The following IQCJ variants were observed in gnomAD, a reference collection of about 807,000 sequenced individuals.
IQCJ encodes IQ motif containing J.
IQCJ carries 9 observed loss-of-function variants against 11.0 expected under a neutral mutation model. That is an observed-to-expected ratio of 0.82 (90% CI 0.49 to 1.43). The LOEUF is 1.43. Ranked by LOEUF, IQCJ falls within the 40% of genes most tolerant of loss-of-function variation. The pLI is 0.00. For synonymous variants in IQCJ, 55 were observed against 51.3 expected (o/e 1.07, Z -0.31); for missense variants, 146 against 133.2 (o/e 1.10, Z -0.47).
chr3:159,115,668 C>G (rs1307489139), intron 1 of IQCJ, among the ~76,000 whole-genome samples: 6 of 152,166 alleles, frequency 3.9e-5, no homozygotes, highest in Admixed American at 2.6e-4. Flanking sequence ...TTTTCTGCAA[C>G]TGATGTTTGT....
chr3:159,079,791 G>T (rs888864294), intron 1 of IQCJ, among the ~76,000 whole-genome samples: 2 of 151,868 alleles, frequency 1.3e-5, no homozygotes, highest in East Asian at 3.9e-4. Flanking sequence ...TTAATCTTTG[G>T]ATCTTAAATG....
chr3:159,092,339 T>C (rs143274220), intron 1 of IQCJ, among the ~76,000 whole-genome samples: 2 of 151,992 alleles, frequency 1.3e-5, no homozygotes, highest in Admixed American at 6.5e-5. Context: ...AAACATAGCA[T>C]CCAAATGCAC....
intron 1 of IQCJ, among the ~76,000 whole-genome samples, chr3:159,117,229 T>A (rs111459667): frequency 6.6e-6 from 1 of 152,158 alleles, no homozygotes; most frequent in South Asian, 2.1e-4. Flanking sequence ...CTACAGATTG[T>A]TGAAGCTCTC....
intron 1 of IQCJ, among the ~76,000 whole-genome samples, chr3:159,229,441 C>T (rs1726060921): frequency 6.6e-6 from 1 of 152,004 alleles, no homozygotes; most frequent in South Asian, 2.1e-4. Flanking sequence ...CTTTCCTTCG[C>T]TCTGGTTATA....
intron 2 of IQCJ, among the ~76,000 whole-genome samples, chr3:159,247,887 G>T (rs927026736): frequency 1.3e-5 from 2 of 152,130 alleles, no homozygotes; most frequent in African/African-American, 4.8e-5. Context: ...TGCTTCTGAG[G>T]CCTTTTCTCC....
chr3:159,229,535 CA>C (rs1726070597), intron 1 of IQCJ, among the ~76,000 whole-genome samples: 1 of 151,982 alleles, frequency 6.6e-6, no homozygotes, highest in Admixed American at 6.5e-5. Flanking sequence ...ATCCATAGCA[CA>C]GTGTCTAACA....
intron 1 of IQCJ, among the ~76,000 whole-genome samples, chr3:159,159,466 T>A (rs560106244): frequency 9.8e-5 from 15 of 152,298 alleles, no homozygotes; most frequent in African/African-American, 3.4e-4. Flanking sequence ...CAGAAAATTT[T>A]AAAAATCGTC....
chr3:159,089,673 T>A (rs1208535379), intron 1 of IQCJ, among the ~76,000 whole-genome samples: 3 of 151,794 alleles, frequency 2.0e-5, no homozygotes, highest in Non-Finnish European at 4.4e-5. Context: ...ATTCATTTCA[T>A]CTTCCATTGC....
At chr3:159,166,234 T>C (rs781116936) in intron 1 of IQCJ, among the ~76,000 whole-genome samples, 13 of 152,214 alleles carry the variant, frequency 8.5e-5, no homozygotes, top group Non-Finnish European at 1.5e-4. Flanking sequence ...AGCAAACTTA[T>C]ATAATTTACA....
chr3:159,150,758 G>C (rs1231931002), intron 1 of IQCJ, among the ~76,000 whole-genome samples: 3 of 152,144 alleles, frequency 2.0e-5, no homozygotes, highest in African/African-American at 4.8e-5. Flanking sequence ...GAATGATTGA[G>C]TGCCTCTGTT....
chr3:159,173,111 A>G (rs2108240963), intron 1 of IQCJ, among the ~76,000 whole-genome samples: 1 of 152,300 alleles, frequency 6.6e-6, no homozygotes, highest in Middle Eastern at 3.4e-3. Flanking sequence ...TAGATTGCCT[A>G]TCATAAACAC....
intron 1 of IQCJ, among the ~76,000 whole-genome samples, chr3:159,221,050 G>C (rs1181008355): frequency 6.6e-6 from 1 of 152,090 alleles, no homozygotes; most frequent in African/African-American, 2.4e-5. Flanking sequence ...AATAGAATAA[G>C]GCAGCAGAGA....
In IQCJ at chr3:159,262,900, A is replaced by G; in HGVS notation, c.*169A>G. 3 of 1,384,224 alleles carry G rather than the reference A, an allele frequency of 2.2e-6. No homozygotes were observed. Among genetic ancestry groups the G allele is most frequent in the Non-Finnish European group, 2.8e-6 (3 of 1,068,098 alleles). The allele number at this position is 1,384,224 out of a possible 1,614,324, so 85.7% of individuals were successfully genotyped here. A position where few individuals can be genotyped will look rare whatever the true frequency, so the allele number is the denominator to read the frequency against. Reference sequence around the variant, plus strand: ...ACAAAGTGAACTTTATCAAGTCTGGAGAAAATAGATTGCATTTATGTGTTC... The same window carrying G: ...ACAAAGTGAACTTTATCAAGTCTGGGGAAAATAGATTGCATTTATGTGTTC... On this transcript the variant is annotated 3_prime_UTR_variant, in exon 4 of 4. Transcript: ENST00000397832.
chr3:159,182,151 C>T (rs1457691992), intron 1 of IQCJ, among the ~76,000 whole-genome samples: 1 of 151,820 alleles, frequency 6.6e-6, no homozygotes, highest in Non-Finnish European at 1.5e-5. Flanking sequence ...AAAATATTCT[C>T]TCCCTACTTC....
At chr3:159,086,417 T>A (rs940015048) in intron 1 of IQCJ, among the ~76,000 whole-genome samples, 1 of 152,182 alleles carries the variant, frequency 6.6e-6, no homozygotes, top group African/African-American at 2.4e-5. Context: ...TTTGGTTCCA[T>A]ATGAACTTTA....
At chr3:159,244,653 C>T (rs1429679777) in intron 1 of IQCJ, among the ~76,000 whole-genome samples, 1 of 152,076 alleles carries the variant, frequency 6.6e-6, no homozygotes, top group Non-Finnish European at 1.5e-5. Context: ...TGATGACAGA[C>T]TGTAAAGGAC....
At chr3:159,224,962 C>T (rs1577093132) in intron 1 of IQCJ, among the ~76,000 whole-genome samples, 1 of 152,160 alleles carries the variant, frequency 6.6e-6, no homozygotes, top group South Asian at 2.1e-4. Context: ...TAGGTAAAGC[C>T]ACTCTGGAAA....
intron 1 of IQCJ, among the ~76,000 whole-genome samples, chr3:159,131,561 A>G (rs780452973): frequency 6.6e-6 from 1 of 152,092 alleles, no homozygotes; most frequent in African/African-American, 2.4e-5. Flanking sequence ...ACCCTCCTAG[A>G]TGGTGCAATT....
At chr3:159,198,743 C>T (rs988787869) in intron 1 of IQCJ, among the ~76,000 whole-genome samples, 1 of 152,072 alleles carries the variant, frequency 6.6e-6, no homozygotes, top group African/African-American at 2.4e-5. Context: ...GTATGAGATT[C>T]AAAATGGAAG....
Sources: allele counts gnomAD v4.1 joint callset (sites outside exome capture counted in the v4.1 genomes callset), GRCh38; gene constraint gnomAD v4.1.1; transcripts MANE v1.5; gene names NCBI Gene and HGNC (gene_info 2026-07-23, HGNC 2026-07-21).